Variants in TTC12 observed in about 807,000 individuals in gnomAD.
The protein encoded by TTC12 is tetratricopeptide repeat domain 12, also known as tetratricopeptide repeat protein 12.
TTC12 carries 70 observed loss-of-function variants against 90.1 expected under a neutral mutation model. That is an observed-to-expected ratio of 0.78 (90% CI 0.64 to 0.95). The LOEUF (loss-of-function observed/expected upper bound fraction) is 0.95, where lower values mean the gene tolerates loss of function less well. Among genes scored for constraint, TTC12 ranks in the 40% least tolerant of loss-of-function variants. TTC12 has a pLI of 0.00. For missense variants in TTC12, 819 were observed against 846.1 expected (o/e 0.97, Z 0.40); for synonymous variants, 296 against 311.5 (o/e 0.95, Z 0.53).
In TTC12 at chr11:113,366,380, T is replaced by C; in HGVS notation, c.*80T>C. On this transcript the variant is annotated 3_prime_UTR_variant, in exon 22 of 22. Coordinates refer to ENST00000529221, the MANE Select transcript of TTC12 (RefSeq NM_017868.4). ...TTCCTATGCTAATAAAGACCTTTGA[T>C]GTATCCACTTCAGAATCAAGTACTC... 1 of 1,593,996 alleles carries C rather than the reference T, an allele frequency of 6.3e-7. No individual in the cohort carries two copies.
intron 1 of TTC12, chr11:113,314,900 C>T (rs1555134601): frequency 1.8e-5 from 2 of 112,394 alleles, no homozygotes; most frequent in South Asian, 2.5e-4. Context: ...TCCCCGCTGC[C>T]GCAGCCCTAC....
chr11:113,334,570 A>C (rs782571034), intron 7 of TTC12, among the ~76,000 whole-genome samples: 14 of 151,914 alleles, frequency 9.2e-5, no homozygotes, highest in Non-Finnish European at 1.8e-4. Context: ...GAGCTTAAAA[A>C]ATTATTGATG....
intron 11 of TTC12, 23 bp from the exon 12 acceptor site, chr11:113,341,812 GAT>G: frequency 6.4e-7 from 1 of 1,570,324 alleles, no homozygotes; most frequent in Non-Finnish European, 8.8e-7. Context: ...AGACTTTTAA[GAT>G]AGCTCTCCTT....
intron 18 of TTC12, among the ~76,000 whole-genome samples, chr11:113,361,647 C>A: frequency 6.6e-6 from 1 of 152,182 alleles, no homozygotes; most frequent in East Asian, 1.9e-4. Flanking sequence ...AAACATTTTT[C>A]TTTCTAGTAT....
chr11:113,325,635 A>G lies in TTC12; in HGVS notation c.434A>G (p.Asn145Ser). The G allele has an allele frequency of 1.2e-6, 2 of 1,613,932 alleles. No individual in the cohort carries two copies. Among genetic ancestry groups the G allele is most frequent in the Non-Finnish European group, 1.7e-6 (2 of 1,179,806 alleles). The stretch of plus-strand genomic sequence containing the variant: ...AAGGACATGAAAGTGCTGTACACCA[A>G]CCGAGCCCAGGTCAGTGAGGCAGGG... ...KLKDMKVLYTNRAQAYMKLED... is the reference protein window; with the variant it reads ...KLKDMKVLYTSRAQAYMKLED... The change falls in exon 6 of 22, where the codon AAC (asparagine) becomes AGC (serine). Residue 145 changes from asparagine (N) to serine (S), a missense_variant. Transcript: ENST00000529221.
At chr11:113,330,523 G>A (rs1174067208) in intron 7 of TTC12, among the ~76,000 whole-genome samples, 3 of 152,190 alleles carry the variant, frequency 2.0e-5, no homozygotes, top group Admixed American at 6.5e-5. Flanking sequence ...AGGATGCATA[G>A]ACATAAAGAC....
At chr11:113,363,080 C>A (rs1328115042) in intron 19 of TTC12, among the ~76,000 whole-genome samples, 2 of 152,288 alleles carry the variant, frequency 1.3e-5, no homozygotes, top group East Asian at 3.9e-4. Flanking sequence ...GATGTGTGTG[C>A]CCATGAGGTC....
At chr11:113,359,551 A>G (rs1949801074) in intron 17 of TTC12, 90 bp downstream of exon 17, 1 of 882,016 alleles carries the variant, frequency 1.1e-6, no homozygotes, top group South Asian at 1.5e-5. Flanking sequence ...ACGAAGAGAC[A>G]GAAGCATGTA....
chr11:113,362,657 G>A (rs576503625), intron 19 of TTC12, among the ~76,000 whole-genome samples, 155 bp downstream of exon 19: 12 of 152,274 alleles, frequency 7.9e-5, no homozygotes, highest in African/African-American at 2.6e-4. Flanking sequence ...GCTTCTGCCT[G>A]TCTACCCAGA....
downstream of TTC12, chr11:113,368,338 C>T (rs556728745): frequency 3.4e-5 from 53 of 1,547,206 alleles, no homozygotes; most frequent in Non-Finnish European, 4.5e-5. Context: ...AACTTGTTAC[C>T]CCTAACACAT....
intron 6 of TTC12, 60 bp from the exon 7 acceptor site, chr11:113,329,860 G>T: frequency 7.2e-7 from 1 of 1,379,362 alleles, no homozygotes; most frequent in South Asian, 1.2e-5. Flanking sequence ...CTTTCTGTGT[G>T]AACTGAAAAC....
At chr11:113,324,086 A>G (rs570900227) in intron 4 of TTC12, 71 bp downstream of exon 4, 35 of 1,270,712 alleles carry the variant, frequency 2.8e-5, no homozygotes, top group Non-Finnish European at 3.5e-5. Flanking sequence ...TGTAGCTCCC[A>G]GACCCTTAAA....
At chr11:113,333,234 T>C (rs1948161743) in intron 7 of TTC12, among the ~76,000 whole-genome samples, 1 of 152,060 alleles carries the variant, frequency 6.6e-6, no homozygotes, top group Non-Finnish European at 1.5e-5. Context: ...ACCCTGCACC[T>C]GCCCCTCGAT....
chr11:113,369,945 T>TCTGTTTAC (rs1299858624), downstream of TTC12, among the ~76,000 whole-genome samples: 1 of 152,200 alleles, frequency 6.6e-6, no homozygotes, highest in Non-Finnish European at 1.5e-5. Context: ...TGTATTTGGC[T>TCTGTTTAC]CTGTTTACCT....
intron 16 of TTC12, among the ~76,000 whole-genome samples, chr11:113,357,970 C>T (rs1949713311): frequency 6.6e-6 from 1 of 152,236 alleles, no homozygotes; most frequent in Non-Finnish European, 1.5e-5. Context: ...GTGCCTGCCT[C>T]CCTGCGGGTG....
At chr11:113,318,886 C>T (rs1439441843) in intron 2 of TTC12, among the ~76,000 whole-genome samples, 1 of 152,052 alleles carries the variant, frequency 6.6e-6, no homozygotes, top group Non-Finnish European at 1.5e-5. Flanking sequence ...TTAGGAAAGA[C>T]CTTGGAAACC....
intron 2 of TTC12, among the ~76,000 whole-genome samples, chr11:113,320,780 G>A (rs573233242): frequency 1.9e-3 from 292 of 152,288 alleles, no homozygotes; most frequent in Middle Eastern, 0.01. Context: ...GTCCGTCTGC[G>A]TTCTCCCCCT....
chr11:113,367,988 C>G (rs896070561), downstream of TTC12, among the ~76,000 whole-genome samples: 1 of 152,206 alleles, frequency 6.6e-6, no homozygotes, highest in African/African-American at 2.4e-5. Context: ...GCTGTTTTCA[C>G]AGAATTCCGT....
At chr11:113,360,169 C>G (rs1321871381) in intron 18 of TTC12, among the ~76,000 whole-genome samples, 161 bp downstream of exon 18, 2 of 152,122 alleles carry the variant, frequency 1.3e-5, no homozygotes, top group Non-Finnish European at 2.9e-5. Flanking sequence ...ATAATGTACA[C>G]AAGCACATAA....
Sources: gnomAD v4.1 joint callset for allele counts (sites outside exome capture counted in the v4.1 genomes callset) on GRCh38, gnomAD v4.1.1 for gene constraint, MANE v1.5 for transcripts, NCBI Gene and HGNC (gene_info 2026-07-23, HGNC 2026-07-21) for gene names.